Variants in UST observed in about 807,000 individuals in gnomAD.
UST encodes the protein uronyl 2-sulfotransferase.
Under a neutral mutation model 45.6 loss-of-function variants are expected in UST, and 21 were observed. The observed-to-expected ratio is 0.46, with a 90% CI of 0.33 to 0.66. The LOEUF is 0.66. Among genes scored for constraint, UST ranks in the 30% least tolerant of loss-of-function variants. The probability of loss-of-function intolerance (pLI) is 0.02; values close to 1 mark genes in which losing one functional copy is unlikely to be tolerated. For synonymous variants in UST, 215 were observed against 200.6 expected, an observed-to-expected ratio of 1.07 and a Z score of -0.61; for missense variants, 463 against 512.4, an observed-to-expected ratio of 0.90 and a Z score of 0.93.
At chr6:149,033,782 G>A (rs1355173224) in intron 7 of UST, among the ~76,000 whole-genome samples, 1 of 152,040 alleles carries the variant, frequency 6.6e-6, no homozygotes, top group Non-Finnish European at 1.5e-5. Flanking sequence ...TGTGTTCCTA[G>A]GATTTTACCT....
At chr6:148,999,442 A>G (rs141889859) in intron 5 of UST, among the ~76,000 whole-genome samples, 1 of 152,256 alleles carries the variant, frequency 6.6e-6, no homozygotes, top group Non-Finnish European at 1.5e-5. Context: ...GAATATGTAG[A>G]ACAAAGATTA....
chr6:148,926,299 AGCCATTTTT>A (rs1779813195), intron 2 of UST, among the ~76,000 whole-genome samples: 1 of 152,242 alleles, frequency 6.6e-6, no homozygotes, highest in African/African-American at 2.4e-5. Flanking sequence ...TAATACCTGT[AGCCATTTTT>A]AAAAATGAAT....
rs544698974 is a variant in UST at position 148,839,778 on chromosome 6, T to C, written c.248-47208T>C. 9.8e-5 allele frequency among the ~76,000 whole-genome samples: 15 copies of C among 152,286 alleles called. No individual in the cohort carries two copies. In the East Asian group the frequency reaches 2.5e-3, roughly 25 times the overall value. ...TTCCCAGATGATGCTATGGTACAGT[T>C]AAGGCTGAGAACTAGAACTAGAAGC... On this transcript the variant is annotated intron_variant, in intron 1 of 7. Transcript: ENST00000367463.
intron 2 of UST, among the ~76,000 whole-genome samples, chr6:148,891,992 T>C (rs1740128018): frequency 6.6e-6 from 1 of 152,230 alleles, no homozygotes; most frequent in Non-Finnish European, 1.5e-5. Context: ...CCCACATTCA[T>C]TTAGCAAAAC....
intron 6 of UST, among the ~76,000 whole-genome samples, chr6:149,019,852 C>T (rs1217079863): frequency 6.6e-6 from 1 of 152,186 alleles, no homozygotes; most frequent in Non-Finnish European, 1.5e-5. Context: ...CATCAGCACC[C>T]CTGTATACTT....
chr6:149,046,045 A>T (rs1467769926), intron 7 of UST, among the ~76,000 whole-genome samples: 1 of 152,228 alleles, frequency 6.6e-6, no homozygotes, highest in African/African-American at 2.4e-5. Flanking sequence ...TGGAGGCCAC[A>T]GTCAAGAAGT....
chr6:148,823,807 A>G (rs1180100346), intron 1 of UST, among the ~76,000 whole-genome samples: 1 of 152,216 alleles, frequency 6.6e-6, no homozygotes, highest in Non-Finnish European at 1.5e-5. Flanking sequence ...TGCAGAATGA[A>G]TGAAAGGAGA....
intron 7 of UST, among the ~76,000 whole-genome samples, chr6:149,063,412 C>T (rs1185098407): frequency 6.6e-6 from 1 of 152,136 alleles, no homozygotes; most frequent in African/African-American, 2.4e-5. Context: ...ATATCAAAAA[C>T]ATCCTGAAGC....
At chr6:148,809,258 G>T (rs1485220274) in intron 1 of UST, among the ~76,000 whole-genome samples, 1 of 152,152 alleles carries the variant, frequency 6.6e-6, no homozygotes, top group Admixed American at 6.5e-5. Flanking sequence ...CGTGTTTGGG[G>T]ATCTCAGAAG....
intron 5 of UST, among the ~76,000 whole-genome samples, chr6:148,988,223 C>T (rs1356279778): frequency 6.6e-6 from 1 of 152,082 alleles, no homozygotes; most frequent in Non-Finnish European, 1.5e-5. Flanking sequence ...TGAAACTTGA[C>T]ATTGAACAGT....
chr6:148,995,131 T>A (rs1781428960), intron 5 of UST, among the ~76,000 whole-genome samples: 1 of 152,102 alleles, frequency 6.6e-6, no homozygotes, highest in Non-Finnish European at 1.5e-5. Context: ...TTCAAGCTAT[T>A]CTCGTACCTC....
At chr6:149,051,752 T>G (rs925449567) in intron 7 of UST, among the ~76,000 whole-genome samples, 2 of 152,168 alleles carry the variant, frequency 1.3e-5, no homozygotes, top group Non-Finnish European at 2.9e-5. Context: ...TGGGGGGGTG[T>G]CTGACAAAAC....
chr6:148,909,151 A>T (rs970323790), intron 2 of UST, among the ~76,000 whole-genome samples: 17 of 152,164 alleles, frequency 1.1e-4, no homozygotes, highest in African/African-American at 4.1e-4. Context: ...TCTCTTTGAG[A>T]ATAAGTATAT....
chr6:148,755,718 G>A (rs1362965024), intron 1 of UST, among the ~76,000 whole-genome samples: 1 of 151,220 alleles, frequency 6.6e-6, no homozygotes, highest in African/African-American at 2.4e-5. Context: ...CCAATTATGA[G>A]CATTTTTAAT....
At position 148,766,170 on chromosome 6, in the gene UST, G is replaced by C. The variant is rs146180900; in HGVS notation, c.247+18493G>C. Among the ~76,000 whole-genome samples the C allele has an allele frequency of 3.3e-4, 50 of 152,204 alleles. 1 individual carries two copies. In the East Asian group the frequency reaches 9.4e-3, roughly 29 times the overall value. On this transcript the variant is annotated intron_variant, in intron 1 of 7. Transcript: ENST00000367463. ...TTGTTTTATGGCATAATGCGTTTCT[G>C]TGCCAAAATATAGCCTCTCTTCCCC...
chr6:148,952,795 A>G (rs545717365), intron 3 of UST, among the ~76,000 whole-genome samples: 11 of 152,250 alleles, frequency 7.2e-5, no homozygotes, highest in African/African-American at 2.4e-4. Context: ...ATTCATCCAA[A>G]GTAGCAAGCT....
At chr6:148,757,813 A>C (rs1488687087) in intron 1 of UST, among the ~76,000 whole-genome samples, 5 of 152,218 alleles carry the variant, frequency 3.3e-5, no homozygotes, top group Admixed American at 3.3e-4. Context: ...ATATTCATGG[A>C]AGGCCTTCTT....
intron 1 of UST, among the ~76,000 whole-genome samples, chr6:148,850,401 C>T (rs1778081086): frequency 6.6e-6 from 1 of 152,136 alleles, no homozygotes; most frequent in South Asian, 2.1e-4. Flanking sequence ...CACAATCAAC[C>T]AGAGTCCAAG....
chr6:148,902,873 C>T (rs1049437170), intron 2 of UST, among the ~76,000 whole-genome samples: 2 of 152,110 alleles, frequency 1.3e-5, no homozygotes, highest in Non-Finnish European at 2.9e-5. Context: ...TTGCTGTTCT[C>T]ATATGTTTCA....
Sources: gnomAD v4.1 joint callset for allele counts (sites outside exome capture counted in the v4.1 genomes callset) on GRCh38, gnomAD v4.1.1 for gene constraint, MANE v1.5 for transcripts, NCBI Gene and HGNC (gene_info 2026-07-23, HGNC 2026-07-21) for gene names.